EPHA4: variants seen among roughly 807,000 people sequenced by gnomAD.
EPHA4 encodes EPH receptor A4, also known as ephrin type-A receptor 4.
In EPHA4, 19 loss-of-function variants were observed where a neutral mutation model predicts 108.3. That is an observed-to-expected ratio of 0.18 (90% CI 0.12 to 0.26). EPHA4 has a LOEUF of 0.26. Ranked by LOEUF, EPHA4 falls within the 10% of genes least tolerant of loss-of-function variation. The pLI is 1.00. For missense variants in EPHA4, 917 were observed against 1,254.0 expected (o/e 0.73, Z 4.06); for synonymous variants, 449 against 455.5 (o/e 0.99, Z 0.18).
At chr2:221,448,784 A>G (rs997409033) in intron 8 of EPHA4, among the ~76,000 whole-genome samples, 13 of 152,202 alleles carry the variant, frequency 8.5e-5, no homozygotes, top group African/African-American at 3.1e-4. Flanking sequence ...TTTCCTTTGA[A>G]GAAGGAAAAA....
intron 5 of EPHA4, among the ~76,000 whole-genome samples, chr2:221,469,417 T>C (rs1378809593): frequency 1.3e-5 from 2 of 152,168 alleles, no homozygotes; most frequent in Non-Finnish European, 2.9e-5. Context: ...GAGGCTCATA[T>C]GACCTCAGAG....
chr2:221,537,758 C>G (rs1382440885), intron 3 of EPHA4, among the ~76,000 whole-genome samples: 1 of 152,130 alleles, frequency 6.6e-6, no homozygotes, highest in African/African-American at 2.4e-5. Context: ...CCATTGCACT[C>G]TAGCCTAGGC....
At position 221,434,227 on chromosome 2, in the gene EPHA4, G is replaced by C. The variant is rs1690163243; in HGVS notation, c.2411C>G (p.Ala804Gly). Reference protein sequence around the residue: ...EAIAYRKFTSASDVWSYGIVM... With the variant: ...EAIAYRKFTSGSDVWSYGIVM... ...GATTCCATAGCTCCATACATCACTTGCTGATGTGAATTTACGATAGGCAAT... is the reference window on the plus strand; with the variant it reads ...GATTCCATAGCTCCATACATCACTTCCTGATGTGAATTTACGATAGGCAAT... Residue 804 changes from alanine to glycine, a missense_variant, in exon 14 of 18, where the codon GCA (alanine) becomes GGA (glycine). Physicochemically the swap from Ala to Gly is moderately conservative, Grantham distance 60. Transcript: ENST00000281821. 1.2e-6 allele frequency: 2 copies of C among 1,614,010 alleles called. No individual in the cohort carries two copies. The highest frequency in any genetic ancestry group is 1.3e-5 in the African/African-American group (1 of 75,032).
chr2:221,506,573 G>A (rs1312379999), intron 3 of EPHA4, among the ~76,000 whole-genome samples: 1 of 152,216 alleles, frequency 6.6e-6, no homozygotes, highest in Non-Finnish European at 1.5e-5. Context: ...GCAGGGTGAA[G>A]ATGGACAATT....
At chr2:221,537,231 T>C (rs1350911591) in intron 3 of EPHA4, among the ~76,000 whole-genome samples, 1 of 152,222 alleles carries the variant, frequency 6.6e-6, no homozygotes, top group African/African-American at 2.4e-5. Flanking sequence ...AATCCAAGGA[T>C]GCTGGAGATC....
At chr2:221,561,599 C>G (rs1157983582) in intron 3 of EPHA4, among the ~76,000 whole-genome samples, 1 of 152,170 alleles carries the variant, frequency 6.6e-6, no homozygotes, top group African/African-American at 2.4e-5. Context: ...CTAAATTCCT[C>G]CCCTTCGAGG....
intron 5 of EPHA4, among the ~76,000 whole-genome samples, chr2:221,470,175 A>T (rs1691436845): frequency 6.6e-6 from 1 of 152,172 alleles, no homozygotes; most frequent in African/African-American, 2.4e-5. Flanking sequence ...GGTGGTAAAA[A>T]TTCAGTTGTA....
At position 221,491,184 on chromosome 2, in the gene EPHA4, A is replaced by G. The variant is rs192241603; in HGVS notation, c.980-8494T>C. Among the ~76,000 whole-genome samples the G allele has an allele frequency of 3.1e-3, 470 of 152,166 alleles. 1 individual carries two copies. Among genetic ancestry groups the G allele is most frequent in the African/African-American group, 0.011 (449 of 41,522 alleles). ...GGTTTGGTTTCTTTTTATTAGGATG[A>G]CTTGTTTATGGCTGAAGTGCCTTAT... On this transcript the variant is annotated intron_variant, in intron 4 of 17. Transcript: ENST00000281821.
At chr2:221,509,544 G>T (rs968259158) in intron 3 of EPHA4, among the ~76,000 whole-genome samples, 1 of 152,158 alleles carries the variant, frequency 6.6e-6, no homozygotes, top group African/African-American at 2.4e-5. Flanking sequence ...CTGGTCTTTG[G>T]TTGCTTTAGA....
Position 221,419,581 on chromosome 2 carries a change from G to A in EPHA4, c.*1791C>T, listed in dbSNP as rs970587137. The A allele has an allele frequency of 6.6e-6, 1 of 152,544 alleles. No individual in the cohort carries two copies. The highest frequency in any genetic ancestry group is 2.4e-5 in the African/African-American group (1 of 41,424). The allele number at this position is 152,544 out of a possible 1,614,324, so 9.4% of individuals were successfully genotyped here. The stretch of plus-strand genomic sequence containing the variant: ...CCATCTCCTTCTCTCTCTCCATCAA[G>A]GAACTGATGATTCAGATGAGTTCAA... On this transcript the variant is annotated 3_prime_UTR_variant, in exon 18 of 18. Transcript: ENST00000281821.
intron 3 of EPHA4, among the ~76,000 whole-genome samples, chr2:221,512,579 C>G (rs1692861194): frequency 6.6e-6 from 1 of 152,148 alleles, no homozygotes; most frequent in South Asian, 2.1e-4. Flanking sequence ...GCTCATTATA[C>G]ATCCCCTGAT....
At chr2:221,459,469 G>A (rs1328709063) in intron 5 of EPHA4, among the ~76,000 whole-genome samples, 1 of 151,994 alleles carries the variant, frequency 6.6e-6, no homozygotes, top group Admixed American at 6.6e-5. Context: ...GCATGCGGCA[G>A]ACATATGGAA....
At chr2:221,432,738 G>A (rs1270355240) in intron 14 of EPHA4, among the ~76,000 whole-genome samples, 2 of 151,142 alleles carry the variant, frequency 1.3e-5, no homozygotes, top group African/African-American at 2.4e-5. Flanking sequence ...CCGCCTCCCA[G>A]GTTCAAGCGA....
At chr2:221,472,049 A>T (rs941778428) in intron 5 of EPHA4, among the ~76,000 whole-genome samples, 7 of 152,156 alleles carry the variant, frequency 4.6e-5, no homozygotes. Flanking sequence ...TTGGGTTTCA[A>T]CATGAGCCTC....
At chr2:221,470,464 G>C (rs1159620470) in intron 5 of EPHA4, among the ~76,000 whole-genome samples, 6 of 151,738 alleles carry the variant, frequency 4.0e-5, no homozygotes, top group Admixed American at 3.3e-4. Flanking sequence ...CCAAACACAG[G>C]GGATCAAAAT....
At chr2:221,492,373 A>T (rs1692171505) in intron 4 of EPHA4, among the ~76,000 whole-genome samples, 1 of 152,196 alleles carries the variant, frequency 6.6e-6, no homozygotes, top group African/African-American at 2.4e-5. Context: ...GCATTTTTTT[A>T]AAAAGAATTC....
intron 3 of EPHA4, among the ~76,000 whole-genome samples, chr2:221,521,482 G>C (rs542517418): frequency 6.6e-6 from 1 of 152,288 alleles, no homozygotes; most frequent in South Asian, 2.1e-4. Context: ...TGATATGTTT[G>C]AGTTGAGATG....
intron 3 of EPHA4, among the ~76,000 whole-genome samples, chr2:221,536,050 C>T (rs749288446): frequency 3.9e-5 from 6 of 152,198 alleles, no homozygotes; most frequent in Non-Finnish European, 7.3e-5. Flanking sequence ...TATTTAACTA[C>T]AGTTTACCAA....
intron 3 of EPHA4, among the ~76,000 whole-genome samples, chr2:221,556,596 C>T (rs75126815): frequency 0.11 from 16,692 of 150,896 alleles, 1,092 homozygotes; most frequent in East Asian, 0.14. Flanking sequence ...CCACTGCGCC[C>T]AGTCACTACT....
Sources: gnomAD v4.1 joint callset for allele counts (sites outside exome capture counted in the v4.1 genomes callset) on GRCh38, gnomAD v4.1.1 for gene constraint, MANE v1.5 for transcripts, NCBI Gene and HGNC (gene_info 2026-07-23, HGNC 2026-07-21) for gene names.